PRH1: variants seen among roughly 807,000 people sequenced by gnomAD.
PRH1 encodes salivary acidic proline-rich phosphoprotein 1/2.
Under a neutral mutation model 7.9 loss-of-function variants are expected in PRH1, and 7 were observed. The observed-to-expected ratio is 0.89, with a 90% CI of 0.50 to 1.67. The LOEUF is 1.67. Ranked by LOEUF, PRH1 falls within the 40% of genes most tolerant of loss-of-function variation. The pLI is 0.00. For missense variants in PRH1, 109 were observed against 223.6 expected (o/e 0.49, Z 3.27); for synonymous variants, 45 against 80.8 (o/e 0.56, Z 2.38).
chr12:11,068,932 T>C (rs9697359), intron 1 of PRH1, among the ~76,000 whole-genome samples: 11,923 of 105,778 alleles, frequency 0.11, no homozygotes, highest in East Asian at 0.37. Flanking sequence ...TTTTGAGACA[T>C]GGTCTCACTC....
chr12:10,954,630 G>A (rs1217367359), intron 2 of PRH1, among the ~76,000 whole-genome samples: 1 of 151,956 alleles, frequency 6.6e-6, no homozygotes, highest in Non-Finnish European at 1.5e-5. Context: ...ACCATGACTG[G>A]CTAATTTTTG....
intron 1 of PRH1, among the ~76,000 whole-genome samples, chr12:11,164,935 T>C (rs550108193): frequency 1.2e-4 from 19 of 152,136 alleles, no homozygotes; most frequent in African/African-American, 4.6e-4. Flanking sequence ...TTGCAGTGCA[T>C]TCTACCTCAG....
chr12:10,939,043 T>G (rs1950347040), intron 2 of PRH1: 3 of 1,613,904 alleles, frequency 1.9e-6, no homozygotes, highest in Non-Finnish European at 2.5e-6. Context: ...CCAGGCTAAT[T>G]CGAGAGATTG....
chr12:11,116,371 T>A (rs542636768), downstream of PRH1, among the ~76,000 whole-genome samples: 3 of 151,844 alleles, frequency 2.0e-5, no homozygotes, highest in African/African-American at 7.2e-5. Context: ...CAAAAACAGG[T>A]AATGAGATTA....
At chr12:11,044,437 T>C (rs1030825806) in intron 1 of PRH1, among the ~76,000 whole-genome samples, 2 of 151,896 alleles carry the variant, frequency 1.3e-5, no homozygotes, top group Non-Finnish European at 2.9e-5. Flanking sequence ...AAATGCACAA[T>C]TGGGATGACA....
intron 1 of PRH1, among the ~76,000 whole-genome samples, chr12:11,104,528 T>C (rs1192455804): frequency 2.6e-5 from 4 of 152,220 alleles, no homozygotes; most frequent in Non-Finnish European, 5.9e-5. Context: ...GTCAGTCTTG[T>C]TTGTTAATTT....
chr12:10,904,067 G>T (rs1233651481), intron 2 of PRH1, among the ~76,000 whole-genome samples: 1 of 150,586 alleles, frequency 6.6e-6, no homozygotes, highest in Non-Finnish European at 1.5e-5. Flanking sequence ...TGGATAGGAA[G>T]AATGAATATT....
intron 1 of PRH1, among the ~76,000 whole-genome samples, chr12:10,981,015 G>T (rs1240481898): frequency 6.6e-6 from 1 of 152,152 alleles, no homozygotes; most frequent in African/African-American, 2.4e-5. Context: ...GAGGGGGAAA[G>T]AGTTGAAAAA....
At chr12:11,031,035 T>G in intron 1 of PRH1, 1 of 1,614,304 alleles carries the variant, frequency 6.2e-7, no homozygotes, top group Admixed American at 1.7e-5. Flanking sequence ...ATGCTGAGGC[T>G]AGTAGCAAGC....
chr12:10,894,752 C>A (rs1949620498), intron 2 of PRH1, among the ~76,000 whole-genome samples: 1 of 152,038 alleles, frequency 6.6e-6, no homozygotes, highest in East Asian at 1.9e-4. Context: ...AATACATAAT[C>A]TCCATATATG....
At chr12:11,133,136 C>CACAA (rs1555171869) in intron 1 of PRH1, 2 of 977,384 alleles carry the variant, frequency 2.0e-6, no homozygotes, top group African/African-American at 3.3e-5. Context: ...CACACACACA[C>CACAA]ACACACATCT....
chr12:10,961,748 C>G lies in PRH1; in HGVS notation c.-59+11907G>C, dbSNP rs147761018. Among the ~76,000 whole-genome samples the G allele has an allele frequency of 5.9e-3, 893 of 152,282 alleles. 15 individuals are homozygous for G. The highest frequency in any genetic ancestry group is 0.02 in the African/African-American group (849 of 41,552). On this transcript the variant is annotated intron_variant, in intron 2 of 3. Transcript: ENST00000539853. ...GATGGTAGTTCCGCCTCAGGGAAAC[C>G]CTGGCCAATGGAAAATGGAAGACAG...
intron 1 of PRH1, among the ~76,000 whole-genome samples, chr12:11,042,623 C>CTTTTTTTTTTTTTTTTTTGTTTTTTTTTT (rs1942752881): frequency 1.3e-5 from 1 of 79,320 alleles, no homozygotes; most frequent in Non-Finnish European, 2.3e-5. Flanking sequence ...CAGGCTCATT[C>CTTTTTTTTTTTTTTTTTTGTTTTTTTTTT]TTTTTTTTTT....
At chr12:11,129,110 A>G (rs980939499) in intron 1 of PRH1, among the ~76,000 whole-genome samples, 1 of 152,234 alleles carries the variant, frequency 6.6e-6, no homozygotes, top group Non-Finnish European at 1.5e-5. Context: ...TTTTGTAGAG[A>G]CGGAGTTTCC....
At chr12:11,072,857 G>C (rs1172424066) in intron 1 of PRH1, among the ~76,000 whole-genome samples, 1 of 119,114 alleles carries the variant, frequency 8.4e-6, no homozygotes, top group Non-Finnish European at 2.0e-5. Flanking sequence ...CGAAAGTGCT[G>C]CTTCACTGTT....
intron 1 of PRH1, among the ~76,000 whole-genome samples, chr12:11,041,105 C>T (rs1267857602): frequency 6.6e-6 from 1 of 151,208 alleles, no homozygotes; most frequent in Non-Finnish European, 1.5e-5. Flanking sequence ...ACCTTACTAC[C>T]AGTAATAACG....
intron 1 of PRH1, among the ~76,000 whole-genome samples, chr12:11,011,174 T>C (rs552195149): frequency 6.6e-6 from 1 of 152,054 alleles, no homozygotes; most frequent in African/African-American, 2.4e-5. Context: ...AAACCTACCA[T>C]GTCTGAATTT....
rs1420116843 is a variant in PRH1, at chr12:11,087,621, C to A, written n.124-40433G>T. 4.3e-5 allele frequency among the ~76,000 whole-genome samples: 5 copies of A among 116,942 alleles called. 1 individual carries two copies. Among genetic ancestry groups the A allele is most frequent in the African/African-American group, 1.4e-4 (5 of 34,886 alleles). The allele number at this position is 116,942 out of a possible 152,430, so 76.7% of individuals were successfully genotyped here. ...CTGAAATTCTCCTCTACTGGCAACA[C>A]AATGTACAAAATATAATAACCGCAT... On this transcript the variant is annotated intron_variant and non_coding_transcript_variant, in intron 1 of 4. Transcript: ENST00000541977.
At chr12:10,945,186 G>A (rs1950467112) in intron 2 of PRH1, among the ~76,000 whole-genome samples, 1 of 152,076 alleles carries the variant, frequency 6.6e-6, no homozygotes. Context: ...GCAGGTCTTG[G>A]GCTTTTTTGG....
Sources: allele counts gnomAD v4.1 joint callset (sites outside exome capture counted in the v4.1 genomes callset), GRCh38; gene constraint gnomAD v4.1.1; transcripts MANE v1.5; gene names NCBI Gene and HGNC (gene_info 2026-07-23, HGNC 2026-07-21).